The following MCF2L variants were observed in gnomAD, a reference collection of about 807,000 sequenced individuals.
MCF2L encodes guanine nucleotide exchange factor DBS.
MCF2L carries 97 observed loss-of-function variants against 153.4 expected under a neutral mutation model. The ratio of observed to expected loss-of-function variants is 0.63; its 90% confidence interval spans 0.54 to 0.75. MCF2L has a LOEUF of 0.75. Ranked by LOEUF, MCF2L falls within the 30% of genes least tolerant of loss-of-function variation. The probability of loss-of-function intolerance (pLI) is 0.00; values close to 1 mark genes in which losing one functional copy is unlikely to be tolerated. For missense variants in MCF2L, 1,347 were observed against 1,495.2 expected (o/e 0.90, Z 1.64); for synonymous variants, 659 against 632.2 (o/e 1.04, Z -0.64).
At chr13:113,019,086 C>T (rs3011522) in intron 2 of MCF2L, among the ~76,000 whole-genome samples, 67,389 of 152,072 alleles carry the variant, frequency 0.44, 15,348 homozygotes, top group South Asian at 0.68. Flanking sequence ...TCACCTTCCC[C>T]AAGCGCTCGC....
In MCF2L at chr13:113,070,077, C is replaced by T. The variant is rs568595094; in HGVS notation, c.900C>T (p.Asn300=). The T allele has an allele frequency of 9.9e-6, 16 of 1,609,292 alleles. No individual in the cohort carries two copies. The highest frequency in any genetic ancestry group is 5.4e-5 in the African/African-American group (4 of 74,504). ...ATVQRLLAQL[N]ETEAAFDEFW... ...TTCCCAGGCTCCTGGCCCAGCTGAA[C>T]GAAACCGAGGCTGCCTTCGATGAGT... is the stretch of plus-strand genomic sequence containing the variant. Residue 300 remains asparagine (N), a synonymous_variant, in exon 9 of 30, where the codon AAC becomes AAT. Coordinates refer to ENST00000535094, the MANE Select transcript of MCF2L (RefSeq NM_001112732.3). This position sits in a 1 kb window ranked among gnomAD's most constrained non-coding sequence, Gnocchi z 5.6.
chr13:112,985,818 C>T (rs754087784), intron 1 of MCF2L, among the ~76,000 whole-genome samples: 2 of 152,218 alleles, frequency 1.3e-5, no homozygotes, highest in East Asian at 1.9e-4. Flanking sequence ...TCTGATGTCC[C>T]GGGGCCATGG....
intron 1 of MCF2L, among the ~76,000 whole-genome samples, chr13:112,995,835 G>A (rs1278209973): frequency 4.6e-5 from 7 of 152,182 alleles, no homozygotes; most frequent in Non-Finnish European, 7.3e-5. Flanking sequence ...GTGAGCAGGC[G>A]TGGCCCGGAA....
intron 2 of MCF2L, among the ~76,000 whole-genome samples, chr13:112,929,668 G>A (rs1183893529): frequency 3.3e-5 from 5 of 152,162 alleles, no homozygotes; most frequent in African/African-American, 9.7e-5. Context: ...GCCCCTTACC[G>A]CTGGCCACAG....
intron 3 of MCF2L, among the ~76,000 whole-genome samples, chr13:113,039,063 G>A (rs1182080613): frequency 1.3e-5 from 2 of 152,142 alleles, no homozygotes; most frequent in African/African-American, 2.4e-5. Context: ...GTTTCACCGT[G>A]TTAGCCTGGA....
intron 3 of MCF2L, among the ~76,000 whole-genome samples, chr13:113,039,148 C>G (rs1042926995): frequency 6.6e-6 from 1 of 152,136 alleles, no homozygotes; most frequent in Admixed American, 6.5e-5. Flanking sequence ...CGTGAGCCAC[C>G]GCGCCCGGCC....
chr13:113,058,512 G>A (rs2030706299), intron 4 of MCF2L, among the ~76,000 whole-genome samples: 1 of 149,818 alleles, frequency 6.7e-6, no homozygotes, highest in African/African-American at 2.5e-5. Context: ...TGGGAGCTGA[G>A]TGTTTGGATG....
rs971234240 is a variant in MCF2L at position 112,993,957 on chromosome 13, A to G, written c.80-20806A>G. On this transcript the variant is annotated intron_variant, in intron 1 of 29. Transcript: ENST00000535094. This position sits in a 1 kb window ranked among gnomAD's most constrained non-coding sequence, Gnocchi z 4.6. Reference sequence around the variant, plus strand: ...TAAAAGGCACAATCACAACAGCAGCAAACACACCTTCATTTTAAAGACAGC... The same window carrying G: ...TAAAAGGCACAATCACAACAGCAGCGAACACACCTTCATTTTAAAGACAGC... Among the ~76,000 whole-genome samples the G allele has an allele frequency of 6.6e-6, 1 of 151,408 alleles. No individual in the cohort carries two copies. Among genetic ancestry groups the G allele is most frequent in the African/African-American group, 2.4e-5 (1 of 41,124 alleles).
intron 25 of MCF2L, among the ~76,000 whole-genome samples, 193 bp downstream of exon 25, chr13:113,088,821 C>T (rs546248993): frequency 3.7e-4 from 57 of 152,366 alleles, no homozygotes; most frequent in Non-Finnish European, 7.3e-4. Flanking sequence ...TCCGACAATG[C>T]CCAGTCCCTC....
intron 18 of MCF2L, chr13:113,084,592 TA>T (rs1237805262): frequency 1.3e-5 from 6 of 468,642 alleles, no homozygotes; most frequent in Non-Finnish European, 2.3e-5. Context: ...AACCACACCA[TA>T]AATGGCCTTC....
At chr13:113,077,274 G>A (rs1429697358) in intron 13 of MCF2L, 63 bp downstream of exon 13, 1 of 1,441,746 alleles carries the variant, frequency 6.9e-7, no homozygotes, top group Non-Finnish European at 9.1e-7. Flanking sequence ...CGGGCGTTGA[G>A]AGCTTGGTAC....
At chr13:113,090,077 T>G in intron 26 of MCF2L, 1 of 1,554,778 alleles carries the variant, frequency 6.4e-7, no homozygotes, top group Non-Finnish European at 8.7e-7. Flanking sequence ...GATGACACGG[T>G]CACTAGCTCT....
intron 2 of MCF2L, among the ~76,000 whole-genome samples, chr13:112,950,533 C>G (rs2081681421): frequency 6.6e-6 from 1 of 152,150 alleles, no homozygotes; most frequent in Non-Finnish European, 1.5e-5. Context: ...GGCAGACTGA[C>G]AGATAATAGA....
chr13:113,090,295 C>G lies in MCF2L; in HGVS notation c.2953+567C>G, dbSNP rs1344399443. 5.5e-6 allele frequency: 7 copies of G among 1,264,326 alleles called. No homozygotes were observed. The South Asian group carries it at 8.4e-5, about 15-fold the overall frequency. 78.3% of individuals were successfully genotyped at this position (1,264,326 alleles called of 1,614,324 possible). A position where few individuals can be genotyped will look rare whatever the true frequency, so the allele number is the denominator to read the frequency against. ...TTCTTTCCACCCAATCACGTGTTCC[C>G]TGATGCTGTGTCTCGCGCACAGACA... On this transcript the variant is annotated intron_variant, in intron 26 of 29. Transcript: ENST00000535094.
At chr13:113,066,725 C>G (rs558457341) in intron 8 of MCF2L, among the ~76,000 whole-genome samples, 9 of 151,938 alleles carry the variant, frequency 5.9e-5, no homozygotes, top group South Asian at 2.1e-4. Context: ...AGCCTCCCCC[C>G]GTCCCATCCT....
chr13:112,979,175 C>A, intron 1 of MCF2L: 1 of 274,792 alleles, frequency 3.6e-6, no homozygotes, highest in Non-Finnish European at 5.6e-6. Context: ...CAGCACGTCC[C>A]TCCCTTCCTC....
intron 1 of MCF2L, among the ~76,000 whole-genome samples, chr13:112,986,649 A>G (rs986594442): frequency 2.6e-5 from 4 of 152,214 alleles, no homozygotes; most frequent in African/African-American, 9.6e-5. Context: ...TCTCTGTGAC[A>G]CTGGGGACCC....
chr13:112,993,698 G>C lies in MCF2L; in HGVS notation c.80-21065G>C, dbSNP rs543067872. On this transcript the variant is annotated intron_variant, in intron 1 of 29. Transcript: ENST00000535094. This position sits in a 1 kb window ranked among gnomAD's most constrained non-coding sequence, Gnocchi z 4.6. ...CTTGGAATTTGGGGTGGACGGTGGT[G>C]CCATCAGTCAAGAGAGACTTCAGAG... Among the ~76,000 whole-genome samples, 46 of 152,076 alleles carry C rather than the reference G, an allele frequency of 3.0e-4. No homozygotes were observed. Among genetic ancestry groups the C allele is most frequent in the Admixed American group, 9.8e-4 (15 of 15,274 alleles).
At chr13:112,928,476 A>G (rs2081430297) in intron 2 of MCF2L, among the ~76,000 whole-genome samples, 1 of 152,218 alleles carries the variant, frequency 6.6e-6, no homozygotes, top group Non-Finnish European at 1.5e-5. Flanking sequence ...TAGCCATGCC[A>G]GCCGTTACTG....
Sources: gnomAD v4.1 joint callset for allele counts (sites outside exome capture counted in the v4.1 genomes callset) on GRCh38, gnomAD v4.1.1 for gene constraint, Gnocchi (gnomAD v3.1) non-coding constraint, MANE v1.5 for transcripts, NCBI Gene and HGNC (gene_info 2026-07-23, HGNC 2026-07-21) for gene names.